The following ARMH4 variants were observed in gnomAD, a reference collection of about 807,000 sequenced individuals.
ARMH4 encodes the protein armadillo like helical domain containing 4, also known as armadillo-like helical domain-containing protein 4.
Under a neutral mutation model 61.9 loss-of-function variants are expected in ARMH4, and 49 were observed. The ratio of observed to expected loss-of-function variants is 0.79; its 90% CI spans 0.63 to 1.00. ARMH4 has a LOEUF of 1.00. Among genes scored for constraint, ARMH4 ranks in the 50% least tolerant of loss-of-function variants. ARMH4 has a pLI of 0.00. For synonymous variants in ARMH4, 368 were observed against 341.5 expected (o/e 1.08, Z -0.85); for missense variants, 934 against 930.0 (o/e 1.00, Z -0.06).
chr14:58,077,135 A>G (rs1885072759), intron 5 of ARMH4, among the ~76,000 whole-genome samples: 1 of 152,190 alleles, frequency 6.6e-6, no homozygotes, highest in Admixed American at 6.5e-5. Context: ...GGTCTGCAGG[A>G]CCATGGGAGG....
In ARMH4 at chr14:58,097,007, G is replaced by A. The variant is rs199528318; in HGVS notation, c.1832-26C>T. 26 of 1,604,992 alleles carry A rather than the reference G, an allele frequency of 1.6e-5. No individual in the cohort carries two copies. The African/African-American group carries it at 3.2e-4, about 20-fold the overall frequency. On this transcript the variant is annotated intron_variant, in intron 4 of 7. Transcript: ENST00000267485. ...CTAGGCAAAAAGAAATCAAAGGGAA[G>A]CATAAACATATAATGAGTTTATGCT... is the stretch of plus-strand genomic sequence containing the variant.
chr14:58,081,130 G>T (rs538334863), intron 5 of ARMH4, among the ~76,000 whole-genome samples: 69 of 111,472 alleles, frequency 6.2e-4, no homozygotes, highest in African/African-American at 2.1e-3. Flanking sequence ...AATAAATAAA[G>T]AGTCTCTCTT....
At chr14:58,027,636 C>CTGTG (rs34624198) in intron 5 of ARMH4, among the ~76,000 whole-genome samples, 1,928 of 151,436 alleles carry the variant, frequency 0.013, 30 homozygotes, top group East Asian at 0.08. Context: ...ACACAGTTAC[C>CTGTG]TGTGTGTGTG....
At chr14:58,027,051 T>A (rs758882285) in intron 5 of ARMH4, among the ~76,000 whole-genome samples, 17 of 152,194 alleles carry the variant, frequency 1.1e-4, no homozygotes, top group Admixed American at 7.2e-4. Context: ...GCTTCAGGGT[T>A]TGTTTTCCAA....
intron 5 of ARMH4, among the ~76,000 whole-genome samples, chr14:58,019,799 A>G (rs1356768795): frequency 2.6e-5 from 4 of 152,106 alleles, no homozygotes; most frequent in Non-Finnish European, 5.9e-5. Flanking sequence ...TCAAAAAAAT[A>G]ATAATAAAAT....
intron 5 of ARMH4, among the ~76,000 whole-genome samples, chr14:58,095,950 G>A (rs1273252300): frequency 6.6e-6 from 1 of 152,192 alleles, no homozygotes; most frequent in Admixed American, 6.5e-5. Context: ...CAGGTCAAGG[G>A]AATAGGGCCT....
chr14:58,006,655 C>T (rs1262530080), intron 6 of ARMH4, among the ~76,000 whole-genome samples: 1 of 151,752 alleles, frequency 6.6e-6, no homozygotes, highest in African/African-American at 2.4e-5. Flanking sequence ...AAAGCCTAGA[C>T]ATTTTTCAAT....
chr14:58,046,035 C>G (rs1230791578), intron 5 of ARMH4, among the ~76,000 whole-genome samples: 1 of 152,216 alleles, frequency 6.6e-6, no homozygotes, highest in East Asian at 1.9e-4. Context: ...CTTTTTACTT[C>G]CAGCCACCAG....
At chr14:58,092,503 C>T (rs142657366) in intron 5 of ARMH4, among the ~76,000 whole-genome samples, 122 of 152,298 alleles carry the variant, frequency 8.0e-4, no homozygotes, top group Middle Eastern at 3.4e-3. Context: ...TCAGATAACA[C>T]AAATTTATTA....
At chr14:58,066,793 G>A (rs1384930158) in intron 5 of ARMH4, among the ~76,000 whole-genome samples, 1 of 152,090 alleles carries the variant, frequency 6.6e-6, no homozygotes, top group Non-Finnish European at 1.5e-5. Flanking sequence ...AAGATTTACT[G>A]TTGACATTAA....
intron 1 of ARMH4, among the ~76,000 whole-genome samples, chr14:58,143,344 C>A (rs778160616): frequency 6.6e-6 from 1 of 152,258 alleles, no homozygotes; most frequent in South Asian, 2.1e-4. Context: ...AACATAAGTC[C>A]CCAAACAATC....
At chr14:58,100,638 C>A (rs1485123657) in intron 4 of ARMH4, among the ~76,000 whole-genome samples, 1 of 152,108 alleles carries the variant, frequency 6.6e-6, no homozygotes, top group Non-Finnish European at 1.5e-5. Context: ...CTATCAGGAA[C>A]CATTAAAACT....
chr14:58,138,775 T>G lies in ARMH4; in HGVS notation c.584A>C (p.Glu195Ala). Residue 195 changes from glutamate to alanine, a missense_variant, in exon 2 of 8, where the codon GAA (glutamate) becomes GCA (alanine). Transcript: ENST00000267485. Reference sequence around the variant, plus strand: ...TCCCAAACCAACTCCTTCCTGACTTTCAGTTGCAAATGATTGATTATCCAT... The same window carrying G: ...TCCCAAACCAACTCCTTCCTGACTTGCAGTTGCAAATGATTGATTATCCAT... ...KYMDNQSFAT[E>A]SQEGVGLGHS... The G allele has an allele frequency of 6.2e-7, 1 of 1,614,244 alleles. No homozygotes were observed. Among genetic ancestry groups the G allele is most frequent in the Non-Finnish European group, 8.5e-7 (1 of 1,180,050 alleles).
At chr14:58,024,374 C>A (rs142665937) in intron 5 of ARMH4, among the ~76,000 whole-genome samples, 3,271 of 152,218 alleles carry the variant, frequency 0.021, 49 homozygotes, top group Middle Eastern at 0.048. Context: ...TAGCTTCCAA[C>A]TTTTCTTCTG....
intron 5 of ARMH4, among the ~76,000 whole-genome samples, chr14:58,025,806 C>T (rs1397985042): frequency 6.6e-6 from 1 of 152,086 alleles, no homozygotes; most frequent in Non-Finnish European, 1.5e-5. Flanking sequence ...TAATAATTTG[C>T]TCTTCACGTA....
In ARMH4 at chr14:58,133,255, C is replaced by T. The variant is rs1013490726; in HGVS notation, c.1456G>A (p.Glu486Lys). 3.4e-5 allele frequency: 55 copies of T among 1,613,890 alleles called. No individual in the cohort carries two copies. Among genetic ancestry groups the T allele is most frequent in the Middle Eastern group, 3.3e-4 (2 of 6,084 alleles). ...GTCTTGCCACTGTCTCTGATAAGCT[C>T]GAGGGTAGCAACCTGCTCTTGTGTC... ...MVTQEQVATL[E>K]LIRDSGKTEE... The change falls in exon 3 of 8, where the codon GAG (glutamate) becomes AAG (lysine). Residue 486 changes from glutamate (E) to lysine (K), a missense_variant. Glu to Lys is a moderately conservative substitution (Grantham distance 56). Coordinates refer to ENST00000267485, the MANE Select transcript of ARMH4 (RefSeq NM_001001872.4).
intron 1 of ARMH4, among the ~76,000 whole-genome samples, chr14:58,140,200 G>A (rs150229222): frequency 0.011 from 1,656 of 150,626 alleles, 28 homozygotes; most frequent in African/African-American, 0.039. Context: ...GCTTGAACCC[G>A]GAAGGCAGAG....
chr14:58,072,985 A>C (rs1179994785), intron 5 of ARMH4, among the ~76,000 whole-genome samples: 1 of 152,188 alleles, frequency 6.6e-6, no homozygotes, highest in Non-Finnish European at 1.5e-5. Flanking sequence ...CTAAATAGCA[A>C]CTTCTGGCTA....
At chr14:58,039,041 T>C (rs1404165307) in intron 5 of ARMH4, among the ~76,000 whole-genome samples, 2 of 152,144 alleles carry the variant, frequency 1.3e-5, no homozygotes, top group Non-Finnish European at 2.9e-5. Flanking sequence ...TGTCCACGCT[T>C]CCCCTGGACT....
Sources: allele counts gnomAD v4.1 joint callset (sites outside exome capture counted in the v4.1 genomes callset), GRCh38; gene constraint gnomAD v4.1.1; transcripts MANE v1.5; gene names NCBI Gene and HGNC (gene_info 2026-07-23, HGNC 2026-07-21).